Variants in NPAS3 observed in about 807,000 individuals in gnomAD.
NPAS3 encodes the protein neuronal PAS domain protein 3.
Under a neutral mutation model 73.1 loss-of-function variants are expected in NPAS3, and 14 were observed. The observed-to-expected ratio is 0.19, with a 90% confidence interval of 0.13 to 0.30. The LOEUF (loss-of-function observed/expected upper bound fraction) is 0.30. Ranked by LOEUF, NPAS3 falls within the 10% of genes least tolerant of loss-of-function variation. NPAS3 has a pLI of 1.00. For missense variants in NPAS3, 1,096 were observed against 1,250.0 expected (o/e 0.88, Z 1.86); for synonymous variants, 620 against 541.5 (o/e 1.14, Z -2.01).
chr14:33,775,291 CCAGGTGTGG>C (rs1334003974), intron 8 of NPAS3, among the ~76,000 whole-genome samples: 1 of 152,088 alleles, frequency 6.6e-6, no homozygotes, highest in African/African-American at 2.4e-5. Context: ...CGCCCACATA[CCAGGTGTGG>C]GAAGGAAGCT....
At chr14:33,464,454 A>G (rs1351928747) in intron 4 of NPAS3, among the ~76,000 whole-genome samples, 1 of 152,162 alleles carries the variant, frequency 6.6e-6, no homozygotes, top group Non-Finnish European at 1.5e-5. Context: ...TGCCTTCTGA[A>G]TTAATACCAA....
chr14:33,083,226 GCCTTT>G (rs2041919997), intron 2 of NPAS3, among the ~76,000 whole-genome samples: 1 of 2,542 alleles, frequency 3.9e-4, no homozygotes, highest in Non-Finnish European at 8.3e-4. Context: ...AAGGGACTTT[GCCTTT>G]GCCTCCACTC....
intron 4 of NPAS3, among the ~76,000 whole-genome samples, chr14:33,400,550 G>A (rs914235499): frequency 6.6e-6 from 1 of 152,070 alleles, no homozygotes; most frequent in African/African-American, 2.4e-5. Context: ...AAATTGTTCT[G>A]CCAGATAAAT....
intron 3 of NPAS3, among the ~76,000 whole-genome samples, chr14:33,245,154 A>G (rs946988901): frequency 6.6e-6 from 1 of 152,208 alleles, no homozygotes; most frequent in Non-Finnish European, 1.5e-5. Flanking sequence ...ATTAAAATAT[A>G]TTTTTAGTCA....
intron 5 of NPAS3, among the ~76,000 whole-genome samples, chr14:33,592,315 G>A (rs1303700654): frequency 2.0e-5 from 3 of 152,178 alleles, no homozygotes; most frequent in Non-Finnish European, 4.4e-5. Flanking sequence ...AAAGACCCTT[G>A]AAAGTTGCTA....
At chr14:33,146,167 G>A (rs1317551135) in intron 2 of NPAS3, among the ~76,000 whole-genome samples, 2 of 152,246 alleles carry the variant, frequency 1.3e-5, no homozygotes, top group East Asian at 3.9e-4. Flanking sequence ...TTCTATATTT[G>A]TGACTAATTT....
chr14:33,642,626 A>C (rs947001248), intron 5 of NPAS3, among the ~76,000 whole-genome samples: 1 of 152,190 alleles, frequency 6.6e-6, no homozygotes, highest in East Asian at 1.9e-4. Context: ...GGGGAAAATA[A>C]ATGCAATTTT....
intron 5 of NPAS3, among the ~76,000 whole-genome samples, chr14:33,643,285 T>C (rs760185742): frequency 4.1e-4 from 61 of 148,996 alleles, no homozygotes; most frequent in East Asian, 3.9e-4. Flanking sequence ...TATGCATGTC[T>C]AGGGAAAGTA....
At chr14:33,784,721 T>TTTTATTTATTTATTTA (rs1555333477) in intron 9 of NPAS3, among the ~76,000 whole-genome samples, 4 of 104,084 alleles carry the variant, frequency 3.8e-5, no homozygotes, top group Admixed American at 1.1e-4. Context: ...TTATTGTTAT[T>TTTTATTTATTTATTTA]TTTATTTATT....
At chr14:33,197,223 T>A (rs184733737) in intron 2 of NPAS3, among the ~76,000 whole-genome samples, 7 of 107,906 alleles carry the variant, frequency 6.5e-5, no homozygotes, top group African/African-American at 2.5e-4. Flanking sequence ...TGCTCTGGGA[T>A]GCACTCCAGC....
At chr14:33,362,909 C>A (rs1459429259) in intron 3 of NPAS3, among the ~76,000 whole-genome samples, 3 of 152,136 alleles carry the variant, frequency 2.0e-5, no homozygotes, top group Non-Finnish European at 4.4e-5. Context: ...CTTCAGAATA[C>A]CTTCTTCAAG....
At chr14:33,690,005 G>A (rs1595446145) in intron 6 of NPAS3, among the ~76,000 whole-genome samples, 1 of 152,192 alleles carries the variant, frequency 6.6e-6, no homozygotes, top group Non-Finnish European at 1.5e-5. Flanking sequence ...GATGAATAGT[G>A]TATATGACGT....
Position 33,644,853 on chromosome 14 carries a change from C to T in NPAS3, c.559-31358C>T, listed in dbSNP as rs546090370. Among the ~76,000 whole-genome samples the T allele has an allele frequency of 1.4e-4, 22 of 152,130 alleles. 1 individual carries two copies. The highest frequency in any genetic ancestry group is 1.3e-3 in the Admixed American group (20 of 15,282). On this transcript the variant is annotated intron_variant, in intron 5 of 11. Transcript: ENST00000356141. ...ATCCCAGCACTTTGAGAGGCAGAGG[C>T]GGGCGGATCACAAGGTCAGGGGTTT...
intron 6 of NPAS3, among the ~76,000 whole-genome samples, chr14:33,719,387 A>G (rs1187663292): frequency 6.6e-6 from 1 of 152,186 alleles, no homozygotes; most frequent in Non-Finnish European, 1.5e-5. Context: ...TAGCAATACC[A>G]ACTACAACCA....
At chr14:33,706,098 A>G (rs2060648942) in intron 6 of NPAS3, among the ~76,000 whole-genome samples, 1 of 152,222 alleles carries the variant, frequency 6.6e-6, no homozygotes, top group Non-Finnish European at 1.5e-5. Context: ...GGATGACATT[A>G]GCACCATGGT....
chr14:33,757,865 T>C (rs1026235855), intron 7 of NPAS3, among the ~76,000 whole-genome samples: 1 of 152,194 alleles, frequency 6.6e-6, no homozygotes, highest in Admixed American at 6.5e-5. Context: ...TTTACCCTCA[T>C]GTGGAGAGGC....
At chr14:33,154,361 CTT>C (rs1416794544) in intron 2 of NPAS3, among the ~76,000 whole-genome samples, 2 of 152,160 alleles carry the variant, frequency 1.3e-5, no homozygotes, top group African/African-American at 4.8e-5. Context: ...TGTGCATAAT[CTT>C]TTTGAAAATG....
intron 3 of NPAS3, among the ~76,000 whole-genome samples, chr14:33,262,357 T>C (rs1387740696): frequency 3.9e-5 from 6 of 152,220 alleles, no homozygotes; most frequent in Admixed American, 2.6e-4. Context: ...TCCATTGTTT[T>C]AGATTTCCTT....
chr14:32,938,284 A>T (rs1474379424), upstream of NPAS3, among the ~76,000 whole-genome samples: 1 of 151,934 alleles, frequency 6.6e-6, no homozygotes, highest in Non-Finnish European at 1.5e-5. Context: ...CGCTGCCCCC[A>T]AGGAGCTCCC....
Sources: gnomAD v4.1 joint callset for allele counts (sites outside exome capture counted in the v4.1 genomes callset) on GRCh38, gnomAD v4.1.1 for gene constraint, MANE v1.5 for transcripts, NCBI Gene and HGNC (gene_info 2026-07-23, HGNC 2026-07-21) for gene names.